The following ZNF578 variants were observed in gnomAD, a reference collection of about 807,000 sequenced individuals.
The protein encoded by ZNF578 is Putative chemokine-related protein B42.
ZNF578 carries 8 observed loss-of-function variants against 8.3 expected under a neutral mutation model. That is an observed-to-expected ratio of 0.96 (90% CI 0.56 to 1.74). The LOEUF (loss-of-function observed/expected upper bound fraction) is 1.74. Among genes scored for constraint, ZNF578 ranks in the 40% most tolerant of loss-of-function variants. ZNF578 has a pLI of 0.00. For synonymous variants in ZNF578, 206 were observed against 232.2 expected, an observed-to-expected ratio of 0.89 and a Z score of 1.03; for missense variants, 726 against 707.5, an observed-to-expected ratio of 1.03 and a Z score of -0.30.
intron 1 of ZNF578, chr19:52,456,438 C>G (rs1474093913): frequency 6.6e-6 from 1 of 152,228 alleles, no homozygotes; most frequent in Non-Finnish European, 1.5e-5. Context: ...TGATTCTAAT[C>G]TGTATTCATC....
rs1314819071 is a variant in ZNF578, at chr19:52,515,500, G to T, written c.*3346G>T. On this transcript the variant is annotated 3_prime_UTR_variant, in exon 6 of 6. Coordinates refer to ENST00000421239, the MANE Select transcript of ZNF578 (RefSeq NM_001099694.2). ...GTTTCTCTAATTTTCAAGGATGGGGGTGATAAGAGCAACCTTTGCCATTAG... is the reference window on the plus strand; with the variant it reads ...GTTTCTCTAATTTTCAAGGATGGGGTTGATAAGAGCAACCTTTGCCATTAG... Among the ~76,000 whole-genome samples the T allele has an allele frequency of 2.6e-5, 4 of 152,098 alleles. No individual in the cohort carries two copies. Among genetic ancestry groups the T allele is most frequent in the Admixed American group, 1.3e-4 (2 of 15,276 alleles).
chr19:52,454,084 T>G (rs1256942275), intron 1 of ZNF578: 5 of 152,158 alleles, frequency 3.3e-5, no homozygotes, highest in Admixed American at 2.6e-4. Context: ...AGGTTTCCCC[T>G]TCACAACCCA....
At chr19:52,491,885 G>C (rs565408104) in intron 3 of ZNF578, among the ~76,000 whole-genome samples, 2 of 152,190 alleles carry the variant, frequency 1.3e-5, no homozygotes, top group South Asian at 2.1e-4. Flanking sequence ...ACAAGGCCGT[G>C]TGGGGTGGCT....
chr19:52,474,263 C>T lies in ZNF578; in HGVS notation c.-121-17061C>T, dbSNP rs144739453. 1.8e-4 allele frequency: 54 copies of T among 298,536 alleles called. No homozygotes were observed. In the Admixed American group the frequency reaches 2.2e-3, roughly 12 times the overall value. The allele number at this position is 298,536 out of a possible 1,614,324, so 18.5% of individuals were successfully genotyped here. ...ACACTTCTCTCCAGTATGAATTCTT[C>T]GATGTCATACAAGGTATGAAAGTTG... is the stretch of plus-strand genomic sequence containing the variant. On this transcript the variant is annotated intron_variant, in intron 2 of 5. Transcript: ENST00000421239.
intron 3 of ZNF578, among the ~76,000 whole-genome samples, chr19:52,496,699 C>G (rs367731708): frequency 6.6e-6 from 1 of 151,674 alleles, no homozygotes; most frequent in East Asian, 1.9e-4. Context: ...AGTGCAATGG[C>G]GCAATCTCGG....
intron 2 of ZNF578, among the ~76,000 whole-genome samples, chr19:52,475,651 C>G (rs578054443): frequency 1.3e-5 from 2 of 152,356 alleles, no homozygotes; most frequent in South Asian, 4.1e-4. Flanking sequence ...GCCACCGCGC[C>G]TGGCTGAGTG....
At chr19:52,501,069 G>GGGTTT (rs2059405379) in intron 3 of ZNF578, among the ~76,000 whole-genome samples, 1 of 151,908 alleles carries the variant, frequency 6.6e-6, no homozygotes, top group East Asian at 2.0e-4. Context: ...AGTAGAGAAA[G>GGGTTT]CATTTCGCCA....
chr19:52,476,697 AC>A (rs1471298410), intron 2 of ZNF578, among the ~76,000 whole-genome samples: 1 of 152,198 alleles, frequency 6.6e-6, no homozygotes, highest in Non-Finnish European at 1.5e-5. Flanking sequence ...ATGACTGTCC[AC>A]CCAGACCAAG....
At chr19:52,490,190 TA>T (rs1306411946) in intron 2 of ZNF578, among the ~76,000 whole-genome samples, 1 of 152,222 alleles carries the variant, frequency 6.6e-6, no homozygotes, top group Non-Finnish European at 1.5e-5. Context: ...ACTAGATAAC[TA>T]AGGGCAATAC....
chr19:52,510,152 C>G (rs937613959), intron 5 of ZNF578, among the ~76,000 whole-genome samples: 23 of 151,942 alleles, frequency 1.5e-4, no homozygotes, highest in African/African-American at 5.3e-4. Flanking sequence ...GGATTATTTA[C>G]CAATATAGTA....
At chr19:52,464,922 C>T (rs1000620874) in intron 2 of ZNF578, among the ~76,000 whole-genome samples, 3 of 152,076 alleles carry the variant, frequency 2.0e-5, no homozygotes, top group Admixed American at 6.6e-5. Context: ...ACAAGCAGCC[C>T]GTCTTTAGGG....
intron 3 of ZNF578, among the ~76,000 whole-genome samples, chr19:52,492,072 G>T (rs866914032): frequency 6.8e-6 from 1 of 147,566 alleles, no homozygotes; most frequent in Non-Finnish European, 1.5e-5. Flanking sequence ...GCAGGAGAAT[G>T]GCGTGAACCC....
intron 2 of ZNF578, among the ~76,000 whole-genome samples, chr19:52,459,713 A>ATGTGTGTATGTGTG (rs1187045005): frequency 5.5e-5 from 1 of 18,240 alleles, no homozygotes; most frequent in African/African-American, 1.4e-4. Flanking sequence ...ATATGTAGAT[A>ATGTGTGTATGTGTG]TGTGTGTGTG....
chr19:52,484,313 A>G (rs944362561), intron 2 of ZNF578, among the ~76,000 whole-genome samples: 1 of 152,204 alleles, frequency 6.6e-6, no homozygotes, highest in African/African-American at 2.4e-5. Flanking sequence ...GCCAGGGACG[A>G]GTGGGAGACA....
chr19:52,494,227 C>T lies in ZNF578; in HGVS notation c.-20+2802C>T, dbSNP rs375593375. Among the ~76,000 whole-genome samples the T allele has an allele frequency of 9.2e-5, 14 of 152,168 alleles. No individual in the cohort carries two copies. The East Asian group carries it at 2.7e-3, about 29-fold the overall frequency. On this transcript the variant is annotated intron_variant, in intron 3 of 5. Transcript: ENST00000421239. Reference sequence around the variant, plus strand: ...AGTGGCTGGGCGCAGTGGCTCAAGCCTGTAATCCCAGCACTTTAGGAGACT... The same window carrying T: ...AGTGGCTGGGCGCAGTGGCTCAAGCTTGTAATCCCAGCACTTTAGGAGACT...
intron 2 of ZNF578, among the ~76,000 whole-genome samples, chr19:52,490,049 T>C (rs1343638224): frequency 6.6e-6 from 1 of 152,206 alleles, no homozygotes; most frequent in Non-Finnish European, 1.5e-5. Context: ...ATATAAACAT[T>C]CAGACCAGGG....
chr19:52,500,251 G>A (rs1409341486), intron 3 of ZNF578, among the ~76,000 whole-genome samples: 2 of 152,074 alleles, frequency 1.3e-5, no homozygotes, highest in African/African-American at 4.8e-5. Flanking sequence ...TACATTTTAT[G>A]GAGACATGAG....
intron 3 of ZNF578, among the ~76,000 whole-genome samples, chr19:52,499,209 A>G (rs540532588): frequency 1.2e-4 from 19 of 152,346 alleles, no homozygotes; most frequent in African/African-American, 4.3e-4. Context: ...ACGACTGACA[A>G]AATACAGTGT....
intron 5 of ZNF578, 40 bp downstream of exon 5, chr19:52,504,821 T>G (rs755343752): frequency 1.3e-4 from 207 of 1,611,592 alleles, no homozygotes; most frequent in Non-Finnish European, 1.7e-4. Flanking sequence ...AGTCTGCTCT[T>G]GTCTGTCTTG....
Sources: allele counts gnomAD v4.1 joint callset (sites outside exome capture counted in the v4.1 genomes callset), GRCh38; gene constraint gnomAD v4.1.1; transcripts MANE v1.5; gene names NCBI Gene and HGNC (gene_info 2026-07-23, HGNC 2026-07-21).